The following FAT4 variants were observed in gnomAD, a reference collection of about 807,000 sequenced individuals.
FAT4 encodes FAT atypical cadherin 4, also known as protocadherin Fat 4.
FAT4 carries 84 observed loss-of-function variants against 303.9 expected under a neutral mutation model. That is an observed-to-expected ratio of 0.28 (90% CI 0.23 to 0.33). The LOEUF is 0.33. FAT4 is among the 10% of genes least tolerant of loss of function. The pLI is 1.00. For synonymous variants in FAT4, 2,307 were observed against 2,298.8 expected, an observed-to-expected ratio of 1.00 and a Z score of -0.10; for missense variants, 6,005 against 6,146.8, an observed-to-expected ratio of 0.98 and a Z score of 0.77.
intron 2 of FAT4, among the ~76,000 whole-genome samples, chr4:125,365,572 A>G (rs941033011): frequency 7.2e-5 from 11 of 152,164 alleles, no homozygotes; most frequent in African/African-American, 2.7e-4. Context: ...GCTATTATAT[A>G]CTTGAGGATA....
intron 11 of FAT4, among the ~76,000 whole-genome samples, chr4:125,466,543 A>G (rs1726666832): frequency 6.6e-6 from 1 of 151,308 alleles, no homozygotes; most frequent in East Asian, 1.9e-4. Flanking sequence ...TTATTAATAC[A>G]TACAAATTAT....
intron 2 of FAT4, among the ~76,000 whole-genome samples, chr4:125,380,028 G>T (rs1273880123): frequency 1.3e-5 from 2 of 152,012 alleles, no homozygotes; most frequent in African/African-American, 4.8e-5. Context: ...TGAGTAGCTG[G>T]GATTACAGGC....
chr4:125,399,563 A>G (rs999239107), intron 3 of FAT4, among the ~76,000 whole-genome samples: 1 of 152,006 alleles, frequency 6.6e-6, no homozygotes, highest in African/African-American at 2.4e-5. Context: ...CACAGAACAG[A>G]GAATTTAATT....
chr4:125,484,052 G>GACAC (rs1727322432), intron 16 of FAT4, among the ~76,000 whole-genome samples: 2 of 83,242 alleles, frequency 2.4e-5, no homozygotes, highest in African/African-American at 9.2e-5. Context: ...TCTCTCTACA[G>GACAC]ACACACATAC....
At chr4:125,465,462 A>G (rs530265408) in intron 11 of FAT4, among the ~76,000 whole-genome samples, 1 of 152,276 alleles carries the variant, frequency 6.6e-6, no homozygotes, top group Non-Finnish European at 1.5e-5. Flanking sequence ...ACTAGAAATG[A>G]TTTTCAAGTG....
chr4:125,360,599 G>A (rs769639791), intron 2 of FAT4, among the ~76,000 whole-genome samples: 2 of 152,034 alleles, frequency 1.3e-5, no homozygotes, highest in Non-Finnish European at 2.9e-5. Flanking sequence ...TGTTCTCAAG[G>A]AACTCACTGT....
intron 8 of FAT4, among the ~76,000 whole-genome samples, chr4:125,441,527 C>A (rs1364856232): frequency 6.6e-6 from 1 of 152,118 alleles, no homozygotes; most frequent in Non-Finnish European, 1.5e-5. Flanking sequence ...TTTTAAGCAG[C>A]AAGCACAAAA....
chr4:125,340,514 G>T (rs923112099), intron 2 of FAT4, among the ~76,000 whole-genome samples: 2 of 152,150 alleles, frequency 1.3e-5, no homozygotes, highest in Non-Finnish European at 2.9e-5. Flanking sequence ...AGTCTCTGGA[G>T]AAGCTGGGAC....
chr4:125,410,340 A>C (rs773996134), intron 5 of FAT4, among the ~76,000 whole-genome samples: 1 of 152,140 alleles, frequency 6.6e-6, no homozygotes, highest in Non-Finnish European at 1.5e-5. Flanking sequence ...AGTGTTTTGC[A>C]TGTACCCAGT....
chr4:125,462,856 C>A (rs1560623815), intron 10 of FAT4, among the ~76,000 whole-genome samples: 1 of 151,956 alleles, frequency 6.6e-6, no homozygotes, highest in Non-Finnish European at 1.5e-5. Flanking sequence ...TGCCATATCC[C>A]CCTCCATTAT....
intron 7 of FAT4, among the ~76,000 whole-genome samples, chr4:125,431,521 T>C (rs1409967024): frequency 2.0e-5 from 3 of 152,196 alleles, no homozygotes; most frequent in Non-Finnish European, 2.9e-5. Context: ...CTTTTTATAG[T>C]CAATTTCTGT....
In FAT4 at chr4:125,490,491, G is replaced by C; in HGVS notation, c.13675G>C (p.Asp4559His). ...KKKGSENVAF[D>H]DPDNIPPYGD... Reference sequence around the variant, plus strand: ...AAAGGGAAGTGAGAACGTTGCTTTTGATGACCCTGACAATATCCCTCCCTA... The same window carrying C: ...AAAGGGAAGTGAGAACGTTGCTTTTCATGACCCTGACAATATCCCTCCCTA... The change falls in exon 18 of 18, where the codon GAT (aspartate) becomes CAT (histidine). Residue 4559 changes from aspartate (D) to histidine (H), a missense_variant. Transcript: ENST00000394329. The C allele has an allele frequency of 6.2e-7, 1 of 1,614,150 alleles. No homozygotes were observed. The highest frequency in any genetic ancestry group is 8.5e-7 in the Non-Finnish European group (1 of 1,180,028).
At chr4:125,409,258 A>ATT (rs200526406) in intron 5 of FAT4, among the ~76,000 whole-genome samples, 1 of 144,890 alleles carries the variant, frequency 6.9e-6, no homozygotes, top group Non-Finnish European at 1.5e-5. Context: ...ATAGCTAATA[A>ATT]TTTTTTTTTT....
At position 125,490,029 on chromosome 4, in the gene FAT4, A is replaced by G. The variant is rs758369541; in HGVS notation, c.13213A>G (p.Ile4405Val). The change falls in exon 18 of 18, where the codon ATT (isoleucine) becomes GTT (valine). Residue 4405 changes from isoleucine (I) to valine (V), a missense_variant. By Grantham distance (29) the Ile-to-Val change is conservative. Coordinates refer to ENST00000394329, the MANE Select transcript of FAT4 (RefSeq NM_001291303.3). ...GAAGATTGGCTGCCGTGGCCCGAAC[A>G]TTTGTGCCAGCAACCCCTGCTGGGG... is the stretch of plus-strand genomic sequence containing the variant. ...SVKIGCRGPN[I>V]CASNPCWGDL... 24 of 1,613,882 alleles carry G rather than the reference A, an allele frequency of 1.5e-5. No individual in the cohort carries two copies. The highest frequency in any genetic ancestry group is 1.9e-5 in the Non-Finnish European group (23 of 1,179,966).
intron 2 of FAT4, among the ~76,000 whole-genome samples, chr4:125,359,949 T>C (rs927769652): frequency 6.6e-6 from 1 of 152,140 alleles, no homozygotes; most frequent in African/African-American, 2.4e-5. Flanking sequence ...AAAACACTAC[T>C]TATTGACTCT....
At chr4:125,339,465 G>A (rs1374932741) in intron 2 of FAT4, among the ~76,000 whole-genome samples, 1 of 151,890 alleles carries the variant, frequency 6.6e-6, no homozygotes, top group Admixed American at 6.6e-5. Flanking sequence ...CAAAGTGCTG[G>A]GATTATAGGA....
At chr4:125,367,273 G>GCTCTACCAGA (rs1732921142) in intron 2 of FAT4, among the ~76,000 whole-genome samples, 2 of 152,086 alleles carry the variant, frequency 1.3e-5, no homozygotes, top group Non-Finnish European at 2.9e-5. Context: ...GCTGGAAATA[G>GCTCTACCAGA]CATTTGCCAG....
chr4:125,421,949 C>T (rs1415962834), intron 7 of FAT4, among the ~76,000 whole-genome samples: 1 of 151,956 alleles, frequency 6.6e-6, no homozygotes, highest in Non-Finnish European at 1.5e-5. Flanking sequence ...ATATTGCTGA[C>T]TCTCTCCATG....
chr4:125,451,346 A>T lies in FAT4; in HGVS notation c.10336A>T (p.Ile3446Phe). The change falls in exon 10 of 18, where the codon ATC (isoleucine) becomes TTC (phenylalanine). Residue 3446 changes from isoleucine to phenylalanine, a missense_variant. By Grantham distance (21) the Ile-to-Phe change is conservative. Coordinates refer to ENST00000394329, the MANE Select transcript of FAT4 (RefSeq NM_001291303.3). ...IPSWSRFSYF[I>F]GSGNENGAFS... Reference sequence around the variant, plus strand: ...CAGCTGGAGCAGGTTTTCTTACTTCATCGGATCAGGGAATGAAAATGGTGC... The same window carrying T: ...CAGCTGGAGCAGGTTTTCTTACTTCTTCGGATCAGGGAATGAAAATGGTGC... 6.2e-7 allele frequency: 1 copy of T among 1,614,128 alleles called. No individual in the cohort carries two copies. Among genetic ancestry groups the T allele is most frequent in the Non-Finnish European group, 8.5e-7 (1 of 1,180,004 alleles).
Sources: allele counts gnomAD v4.1 joint callset (sites outside exome capture counted in the v4.1 genomes callset), GRCh38; gene constraint gnomAD v4.1.1; transcripts MANE v1.5; gene names NCBI Gene and HGNC (gene_info 2026-07-23, HGNC 2026-07-21).